The following CHI3L2 variants were observed in gnomAD, a reference collection of about 807,000 sequenced individuals.
CHI3L2 encodes chitinase-3-like protein 2.
CHI3L2 carries 47 observed loss-of-function variants against 47.3 expected under a neutral mutation model. The observed-to-expected ratio is 0.99, with a 90% confidence interval of 0.79 to 1.27. The LOEUF (loss-of-function observed/expected upper bound fraction) is 1.27. Ranked by LOEUF, CHI3L2 falls within the 50% of genes most tolerant of loss-of-function variation. The pLI is 0.00. For missense variants in CHI3L2, 497 were observed against 462.1 expected (o/e 1.08, Z -0.69); for synonymous variants, 198 against 169.9 (o/e 1.17, Z -1.28).
rs1659923377 is a variant in CHI3L2, at chr1:111,237,644, A to T, written c.736-1106A>T. Reference sequence around the variant, plus strand: ...AGGAGACATATCTTTGTCTTCTCTAACCCTTTATTTTGTTCTGAGAGCAGG... The same window carrying T: ...AGGAGACATATCTTTGTCTTCTCTATCCCTTTATTTTGTTCTGAGAGCAGG... On this transcript the variant is annotated intron_variant, in intron 7 of 10. Transcript: ENST00000369748. Among the ~76,000 whole-genome samples the T allele has an allele frequency of 3.3e-5, 5 of 152,146 alleles. No individual in the cohort carries two copies. In the South Asian group the frequency reaches 1.0e-3, roughly 32 times the overall value.
In CHI3L2 at chr1:111,231,285, G is replaced by T. The variant is rs761078427; in HGVS notation, c.320G>T (p.Gly107Val). The T allele has an allele frequency of 3.0e-5, 49 of 1,608,642 alleles. No individual in the cohort carries two copies. The highest frequency in any genetic ancestry group is 3.9e-5 in the Non-Finnish European group (46 of 1,175,506). Reference sequence around the variant, plus strand: ...TTGTCCATTGGAGGGTACCTGTTTGGTTCCAAAGGGTAAGACTACATCTTT... The same window carrying T: ...TTGTCCATTGGAGGGTACCTGTTTGTTTCCAAAGGGTAAGACTACATCTTT... ...ILLSIGGYLF[G>V]SKGFHPMVDS... The change falls in exon 4 of 11, where the codon GGT becomes GTT. Residue 107 changes from glycine to valine, a missense_variant. Coordinates refer to ENST00000369748, the MANE Select transcript of CHI3L2 (RefSeq NM_004000.3).
Position 111,242,262 on chromosome 1 carries a change from C to T in CHI3L2, c.1071C>T (p.Ala357=). The change falls in exon 10 of 11, where the codon GCC becomes GCT. Residue 357 remains alanine (A), a synonymous_variant. Coordinates refer to ENST00000369748, the MANE Select transcript of CHI3L2 (RefSeq NM_004000.3). ...TAAAGAATTTAAACCTGGGAGGAGC[C>T]ATGATCTGGTCTATTGACATGGATG... ...QFLKNLNLGG[A]MIWSIDMDDF... 6.2e-7 allele frequency: 1 copy of T among 1,614,128 alleles called. No individual in the cohort carries two copies. Among genetic ancestry groups the T allele is most frequent in the Non-Finnish European group, 8.5e-7 (1 of 1,179,992 alleles).
chr1:111,233,526 A>T (rs557186743), intron 4 of CHI3L2, among the ~76,000 whole-genome samples: 1 of 152,250 alleles, frequency 6.6e-6, no homozygotes, highest in East Asian at 1.9e-4. Context: ...CAAGGGTGTA[A>T]AGTGTTAAAG....
chr1:111,227,875 C>G, intron 1 of CHI3L2, 106 bp downstream of exon 1: 1 of 1,182,876 alleles, frequency 8.5e-7, no homozygotes, highest in Non-Finnish European at 1.2e-6. Context: ...TCAGTCTTTC[C>G]GTTGACCTTA....
Position 111,235,663 on chromosome 1 carries a change from G to A in CHI3L2, c.505G>A (p.Asp169Asn). The A allele has an allele frequency of 2.5e-6, 4 of 1,614,074 alleles. No homozygotes were observed. The highest frequency in any genetic ancestry group is 3.4e-6 in the Non-Finnish European group (4 of 1,179,986). ...IHELAEAFQK[D>N]FTKSTKERLL... ...GGAGTTAGCAGAAGCCTTTCAGAAG[G>A]ACTTCACAAAATCCACCAAGGAAAG... Residue 169 changes from aspartate to asparagine, a missense_variant, in exon 6 of 11, where the codon GAC (aspartate) becomes AAC (asparagine). By Grantham distance (23) the Asp-to-Asn change is conservative. Transcript: ENST00000369748.
intron 1 of CHI3L2, among the ~76,000 whole-genome samples, chr1:111,229,481 G>A (rs963003717): frequency 2.6e-5 from 4 of 151,282 alleles, no homozygotes; most frequent in African/African-American, 4.9e-5. Context: ...AGGAGATCGA[G>A]ACCATCCCGG....
chr1:111,233,523 G>A (rs998591802), intron 4 of CHI3L2, among the ~76,000 whole-genome samples: 2 of 152,200 alleles, frequency 1.3e-5, no homozygotes, highest in African/African-American at 4.8e-5. Context: ...TTCCAAGGGT[G>A]TAAAGTGTTA....
Position 111,235,768 on chromosome 1 carries a change from G to A in CHI3L2, c.605+5G>A. On this transcript the variant is annotated splice_donor_5th_base_variant and intron_variant, in intron 6 of 10. Coordinates refer to ENST00000369748, the MANE Select transcript of CHI3L2 (RefSeq NM_004000.3). ...TCAAGTTGAGAAACTGGCAAAGTGA[G>A]TACATCAGAGCAACTTTCCATCCCT... 1.2e-6 allele frequency: 2 copies of A among 1,612,710 alleles called. No homozygotes were observed. Among genetic ancestry groups the A allele is most frequent in the South Asian group, 1.1e-5 (1 of 90,780 alleles).
At chr1:111,242,988 C>A (rs553875494) in intron 10 of CHI3L2, among the ~76,000 whole-genome samples, 3 of 152,314 alleles carry the variant, frequency 2.0e-5, no homozygotes, top group African/African-American at 7.2e-5. Context: ...TGCTGTGATA[C>A]ATTGGTTCTA....
chr1:111,234,939 G>A lies in CHI3L2; in HGVS notation c.362G>A (p.Arg121His), dbSNP rs956335346. 11 of 1,613,906 alleles carry A rather than the reference G, an allele frequency of 6.8e-6. No individual in the cohort carries two copies. The highest frequency in any genetic ancestry group is 1.1e-5 in the South Asian group (1 of 91,074). The part of the protein sequence containing the change: ...FHPMVDSSTS[R>H]LEFINSIILF... Reference sequence around the variant, plus strand: ...CCTATGGTGGATTCTTCTACATCACGCTTGGAATTCATTAACTCCATAATC... The same window carrying A: ...CCTATGGTGGATTCTTCTACATCACACTTGGAATTCATTAACTCCATAATC... Residue 121 changes from arginine to histidine, a missense_variant, in exon 5 of 11, where the codon CGC (arginine) becomes CAC (histidine). By Grantham distance (29) the Arg-to-His change is conservative (BLOSUM62 0). Coordinates refer to ENST00000369748, the MANE Select transcript of CHI3L2 (RefSeq NM_004000.3).
At chr1:111,227,876 G>A (rs748858757) in intron 1 of CHI3L2, 107 bp downstream of exon 1, 160 of 1,145,340 alleles carry the variant, frequency 1.4e-4, no homozygotes, top group Non-Finnish European at 1.8e-4. Flanking sequence ...CAGTCTTTCC[G>A]TTGACCTTAG....
intron 2 of CHI3L2, among the ~76,000 whole-genome samples, 190 bp from the exon 3 acceptor site, chr1:111,230,552 T>C (rs12029264): frequency 0.097 from 14,703 of 152,106 alleles, 983 homozygotes; most frequent in East Asian, 0.35. Flanking sequence ...CTGTGCCCAG[T>C]CTCAGCGTAT....
chr1:111,232,499 C>G (rs1659751902), intron 4 of CHI3L2, among the ~76,000 whole-genome samples: 1 of 152,116 alleles, frequency 6.6e-6, no homozygotes, highest in African/African-American at 2.4e-5. Flanking sequence ...TTGTCAAGTT[C>G]TTTATGTCTG....
chr1:111,230,601 A>G, intron 2 of CHI3L2, 141 bp from the exon 3 acceptor site: 1 of 679,964 alleles, frequency 1.5e-6, no homozygotes. Flanking sequence ...GCCAGCACTA[A>G]AGGCCCAGGC....
At chr1:111,233,501 T>G (rs1021787953) in intron 4 of CHI3L2, among the ~76,000 whole-genome samples, 2 of 152,158 alleles carry the variant, frequency 1.3e-5, no homozygotes, top group Non-Finnish European at 2.9e-5. Flanking sequence ...CCCACCACAT[T>G]GCAAACTGCT....
At chr1:111,235,962 A>G in intron 6 of CHI3L2, 62 bp from the exon 7 acceptor site, 1 of 1,591,312 alleles carries the variant, frequency 6.3e-7, no homozygotes, top group Non-Finnish European at 8.6e-7. Flanking sequence ...CAAAACAATT[A>G]CTTACAATTG....
rs1176486929 is a variant in CHI3L2 at position 111,239,866 on chromosome 1, T to C, written c.918+934T>C. ...TACTGTGAAAGCTAGAAATAAGTAATTATCCATCCTTGTCTCTAAAGGGGT... is the reference window on the plus strand; with the variant it reads ...TACTGTGAAAGCTAGAAATAAGTAACTATCCATCCTTGTCTCTAAAGGGGT... On this transcript the variant is annotated intron_variant, in intron 8 of 10. Coordinates refer to ENST00000369748, the MANE Select transcript of CHI3L2 (RefSeq NM_004000.3). Among the ~76,000 whole-genome samples, 5 of 152,192 alleles carry C rather than the reference T, an allele frequency of 3.3e-5. 1 individual carries two copies. The highest frequency in any genetic ancestry group is 3.3e-4 in the Admixed American group (5 of 15,278).
chr1:111,236,226 G>A (rs1659885436), intron 7 of CHI3L2, 73 bp downstream of exon 7: 13 of 1,515,580 alleles, frequency 8.6e-6, no homozygotes, highest in Non-Finnish European at 1.1e-5. Context: ...CATGTCTAGA[G>A]TTACTTCTGT....
intron 7 of CHI3L2, among the ~76,000 whole-genome samples, chr1:111,236,891 C>T (rs183601080): frequency 6.6e-5 from 10 of 152,156 alleles, no homozygotes; most frequent in East Asian, 5.8e-4. Flanking sequence ...CAGAAAGTGG[C>T]GAGTGCTGAT....
Sources: gnomAD v4.1 joint callset for allele counts (sites outside exome capture counted in the v4.1 genomes callset) on GRCh38, gnomAD v4.1.1 for gene constraint, MANE v1.5 for transcripts, NCBI Gene and HGNC (gene_info 2026-07-23, HGNC 2026-07-21) for gene names.